Variants in EAF2 observed in about 807,000 individuals in gnomAD.
EAF2 encodes ELL associated factor 2.
EAF2 carries 29 observed loss-of-function variants against 29.4 expected under a neutral mutation model. That is an observed-to-expected ratio of 0.99 (90% CI 0.73 to 1.35). The LOEUF is 1.35. EAF2 is among the 40% of genes most tolerant of loss of function. The probability of loss-of-function intolerance (pLI) is 0.00; values close to 1 mark genes in which losing one functional copy is unlikely to be tolerated. For missense variants in EAF2, 292 were observed against 312.0 expected, an observed-to-expected ratio of 0.94 and a Z score of 0.48; for synonymous variants, 103 against 102.5, an observed-to-expected ratio of 1.00 and a Z score of -0.03.
At chr3:121,868,154 G>T (rs1475546441) in intron 4 of EAF2, among the ~76,000 whole-genome samples, 1 of 152,138 alleles carries the variant, frequency 6.6e-6, no homozygotes, top group Admixed American at 6.5e-5. Context: ...TTGGCAGGCT[G>T]TATAAAAAGT....
intron 4 of EAF2, among the ~76,000 whole-genome samples, chr3:121,862,565 A>C (rs1183966285): frequency 6.6e-6 from 1 of 152,036 alleles, no homozygotes; most frequent in Non-Finnish European, 1.5e-5. Context: ...CTAGTTAGCC[A>C]TTTGTTTAAT....
At chr3:121,865,392 G>T (rs1382008039) in intron 4 of EAF2, among the ~76,000 whole-genome samples, 1 of 152,194 alleles carries the variant, frequency 6.6e-6, no homozygotes, top group African/African-American at 2.4e-5. Context: ...TCCTTAGATT[G>T]CATTCTATAA....
intron 2 of EAF2, among the ~76,000 whole-genome samples, chr3:121,846,681 G>C (rs1414136852): frequency 1.3e-5 from 2 of 151,622 alleles, no homozygotes; most frequent in Admixed American, 1.3e-4. Flanking sequence ...CAGTATTATT[G>C]ATCAGTAATG....
At chr3:121,847,067 G>A (rs1708541782) in intron 2 of EAF2, among the ~76,000 whole-genome samples, 1 of 152,178 alleles carries the variant, frequency 6.6e-6, no homozygotes, top group South Asian at 2.1e-4. Flanking sequence ...AAAAGAATAT[G>A]CCTCAGTATT....
At chr3:121,862,277 T>G (rs35723704) in intron 4 of EAF2, among the ~76,000 whole-genome samples, 22,235 of 152,156 alleles carry the variant, frequency 0.15, 2,029 homozygotes, top group African/African-American at 0.25. Context: ...TTCCAACTTG[T>G]TTCCATTCTC....
chr3:121,836,503 C>A (rs1708289038), intron 1 of EAF2: 1 of 337,434 alleles, frequency 3.0e-6, no homozygotes, highest in Non-Finnish European at 4.2e-6. Flanking sequence ...TTTAACCCTG[C>A]AAGAATATAT....
intron 2 of EAF2, among the ~76,000 whole-genome samples, chr3:121,852,749 C>A (rs928912772): frequency 6.6e-6 from 1 of 152,198 alleles, no homozygotes; most frequent in African/African-American, 2.4e-5. Flanking sequence ...CCTTTTCTAA[C>A]CTGATCTAAC....
intron 2 of EAF2, among the ~76,000 whole-genome samples, chr3:121,852,723 C>A (rs1272028762): frequency 1.3e-5 from 2 of 152,120 alleles, no homozygotes; most frequent in Admixed American, 1.3e-4. Flanking sequence ...CACCACTTAG[C>A]CTTTTTAGAG....
intron 2 of EAF2, among the ~76,000 whole-genome samples, chr3:121,846,586 C>T (rs1419793415): frequency 6.6e-6 from 1 of 152,100 alleles, no homozygotes; most frequent in East Asian, 1.9e-4. Flanking sequence ...CCAGCCTGGG[C>T]AACAAGAGCG....
chr3:121,870,711 A>G (rs1708996637), intron 4 of EAF2, among the ~76,000 whole-genome samples: 1 of 152,206 alleles, frequency 6.6e-6, no homozygotes. Context: ...ACAAATCAGT[A>G]AGAAAAAGAC....
chr3:121,876,068 C>T (rs754333392), intron 5 of EAF2, among the ~76,000 whole-genome samples: 1 of 151,868 alleles, frequency 6.6e-6, no homozygotes, highest in Non-Finnish European at 1.5e-5. Context: ...ATTTTTACTT[C>T]AGCTAATAAG....
intron 4 of EAF2, among the ~76,000 whole-genome samples, chr3:121,864,930 C>T (rs1421403261): frequency 6.6e-6 from 1 of 152,132 alleles, no homozygotes; most frequent in Non-Finnish European, 1.5e-5. Flanking sequence ...AAGAATCAGA[C>T]TTTTTCCTGT....
intron 3 of EAF2, among the ~76,000 whole-genome samples, chr3:121,855,861 C>T (rs1708709025): frequency 6.6e-6 from 1 of 152,008 alleles, no homozygotes; most frequent in African/African-American, 2.4e-5. Flanking sequence ...TGCTGGTAGT[C>T]GTTACATATT....
At position 121,854,733 on chromosome 3, in the gene EAF2, A is replaced by G. The variant is rs1251452080; in HGVS notation, c.248A>G (p.Tyr83Cys). 6.4e-7 allele frequency: 1 copy of G among 1,566,840 alleles called. No individual in the cohort carries two copies. Among genetic ancestry groups the G allele is most frequent in the African/African-American group, 1.4e-5 (1 of 71,766 alleles). Reference sequence around the variant, plus strand: ...GTTTTCAAAGGTTCAAAAAAACCTTACTTAAAAGAATGCATTTTGATTATT... The same window carrying G: ...GTTTTCAAAGGTTCAAAAAAACCTTGCTTAAAAGAATGCATTTTGATTATT... The part of the protein sequence containing the change: ...VTVFKGSKKP[Y>C]LKECILIINH... Residue 83 changes from tyrosine to cysteine, a missense_variant, in exon 3 of 6, where the codon TAC (tyrosine) becomes TGC (cysteine). By Grantham distance (194) the Tyr-to-Cys change is radical (BLOSUM62 -2). Transcript: ENST00000273668.
chr3:121,850,259 A>C (rs1014061369), intron 2 of EAF2, among the ~76,000 whole-genome samples: 3 of 151,380 alleles, frequency 2.0e-5, no homozygotes, highest in African/African-American at 4.8e-5. Context: ...TTAGTTTTTA[A>C]ATATTTGTTG....
chr3:121,845,511 G>C (rs1011958972), intron 2 of EAF2, among the ~76,000 whole-genome samples: 2 of 149,360 alleles, frequency 1.3e-5, no homozygotes, highest in Non-Finnish European at 3.0e-5. Flanking sequence ...ACAGAGACTA[G>C]AAAAGTAGGT....
At chr3:121,865,512 A>G (rs1263395934) in intron 4 of EAF2, among the ~76,000 whole-genome samples, 2 of 151,992 alleles carry the variant, frequency 1.3e-5, no homozygotes, top group Non-Finnish European at 2.9e-5. Flanking sequence ...TAAATTTTAC[A>G]TTTACATCTT....
At chr3:121,854,460 G>A (rs1002257270) in intron 2 of EAF2, among the ~76,000 whole-genome samples, 2 of 152,056 alleles carry the variant, frequency 1.3e-5, no homozygotes, top group African/African-American at 4.8e-5. Context: ...CCCAAGGTGA[G>A]TACCTCCTGT....
chr3:121,849,940 G>GTA lies in EAF2; in HGVS notation c.202-4733_202-4732dup, dbSNP rs751263492. Reference sequence around the variant, plus strand: ...TTCTCTGATATATATATATATGTATGTATATATATATATATCAACCTTTTT... The same window carrying GTA: ...TTCTCTGATATATATATATATGTATGTATATATATATATATATCAACCTTTTT... On this transcript the variant is annotated intron_variant, in intron 2 of 5. Coordinates refer to ENST00000273668, the MANE Select transcript of EAF2 (RefSeq NM_018456.6). 1.9e-3 allele frequency among the ~76,000 whole-genome samples: 235 copies of GTA among 125,206 alleles called. 1 individual carries two copies. Among genetic ancestry groups the GTA allele is most frequent in the Non-Finnish European group, 2.3e-3 (128 of 56,480 alleles). 82.1% of individuals were successfully genotyped at this position (125,206 alleles called of 152,430 possible).
Sources: gnomAD v4.1 joint callset for allele counts (sites outside exome capture counted in the v4.1 genomes callset) on GRCh38, gnomAD v4.1.1 for gene constraint, MANE v1.5 for transcripts, NCBI Gene and HGNC (gene_info 2026-07-23, HGNC 2026-07-21) for gene names.